The following WNK1 variants were observed in gnomAD, a reference collection of about 807,000 sequenced individuals.
WNK1 encodes the protein WNK lysine deficient protein kinase 1, also known as serine/threonine-protein kinase WNK1.
WNK1 carries 38 observed loss-of-function variants against 222.8 expected under a neutral mutation model. That is an observed-to-expected ratio of 0.17 (90% CI 0.13 to 0.22). The LOEUF is 0.22. WNK1 is among the 10% of genes least tolerant of loss of function. The pLI is 1.00. For missense variants in WNK1, 2,348 were observed against 2,918.4 expected (o/e 0.80, Z 4.50); for synonymous variants, 1,090 against 1,092.9 (o/e 1.00, Z 0.05).
Position 911,363 on chromosome 12 carries a change from C to G in WNK1, c.*2571C>G. The G allele has an allele frequency of 2.5e-6, 1 of 398,592 alleles. No individual in the cohort carries two copies. The highest frequency in any genetic ancestry group is 3.6e-5 in the East Asian group (1 of 28,076). 24.7% of individuals were successfully genotyped at this position (398,592 alleles called of 1,614,324 possible). ...TGCACTAACTCTGGGTGTTGCGCTT[C>G]TTGTAAGATTGCGCTTTGTGCTTCA... is the stretch of plus-strand genomic sequence containing the variant. On this transcript the variant is annotated 3_prime_UTR_variant, in exon 28 of 28. Transcript: ENST00000315939.
At chr12:843,261 T>G (rs1456740303) in intron 4 of WNK1, among the ~76,000 whole-genome samples, 1 of 152,198 alleles carries the variant, frequency 6.6e-6, no homozygotes, top group African/African-American at 2.4e-5. Context: ...TAGTTCAGCA[T>G]GGTATCAGTA....
At chr12:791,749 A>G (rs138171135) in intron 1 of WNK1, among the ~76,000 whole-genome samples, 61 of 152,316 alleles carry the variant, frequency 4.0e-4, no homozygotes, top group African/African-American at 1.4e-3. Flanking sequence ...ATATGACATT[A>G]ATATAAATGA....
intron 2 of WNK1, among the ~76,000 whole-genome samples, chr12:825,044 T>C (rs1271204403): frequency 1.3e-5 from 2 of 152,238 alleles, no homozygotes; most frequent in African/African-American, 4.8e-5. Context: ...ATTTTTCTTT[T>C]ACCTCCAAAC....
rs1183086889 is a variant in WNK1 at position 868,219 on chromosome 12, T to C, written c.2140-3046T>C. ...AACCATCTCAAGTTTACAGTGACTA[T>C]AGACCTGGACTAGTACTTCCAGAAG... On this transcript the variant is annotated intron_variant, in intron 8 of 27. Transcript: ENST00000315939. The C allele has an allele frequency of 6.2e-7, 1 of 1,611,308 alleles. No individual in the cohort carries two copies. Among genetic ancestry groups the C allele is most frequent in the Non-Finnish European group, 8.5e-7 (1 of 1,178,428 alleles).
intron 8 of WNK1, chr12:868,907 C>T: frequency 6.3e-7 from 1 of 1,599,164 alleles, no homozygotes; most frequent in Non-Finnish European, 8.5e-7. Flanking sequence ...TTCTTCAGAC[C>T]CCAGTGATTT....
chr12:775,338 C>T (rs1262951574), intron 1 of WNK1, among the ~76,000 whole-genome samples: 2 of 152,118 alleles, frequency 1.3e-5, no homozygotes, highest in African/African-American at 4.8e-5. Flanking sequence ...TCTTGTAACA[C>T]AAATGAGTTC....
chr12:867,975 G>A (rs745567966), intron 8 of WNK1: 6 of 1,613,710 alleles, frequency 3.7e-6, no homozygotes, highest in Non-Finnish European at 4.2e-6. Context: ...CCTCCCACCT[G>A]CCCACCGAAA....
chr12:820,466 G>GTTT (rs3072715), intron 2 of WNK1, among the ~76,000 whole-genome samples: 2 of 89,154 alleles, frequency 2.2e-5, no homozygotes, highest in East Asian at 3.3e-4. Flanking sequence ...ATTCTTTGGG[G>GTTT]TTTTTTTTTT....
chr12:854,355 C>T (rs1264830649), intron 4 of WNK1, among the ~76,000 whole-genome samples: 6 of 97,730 alleles, frequency 6.1e-5, no homozygotes, highest in South Asian at 4.1e-4. Flanking sequence ...TTATCATTAT[C>T]TTTTTTTTTT....
chr12:882,709 C>T lies in WNK1; in HGVS notation c.3373-234C>T, dbSNP rs189686370. Among the ~76,000 whole-genome samples the T allele has an allele frequency of 2.0e-5, 3 of 152,312 alleles. No individual in the cohort carries two copies. The East Asian group carries it at 5.8e-4, about 29-fold the overall frequency. On this transcript the variant is annotated intron_variant, in intron 14 of 27. Transcript: ENST00000315939. Reference sequence around the variant, plus strand: ...TCCATATTTCTATGATAAAGCACTACTTATCTTTTAGAAAAAGAATAGAGA... The same window carrying T: ...TCCATATTTCTATGATAAAGCACTATTTATCTTTTAGAAAAAGAATAGAGA...
intron 26 of WNK1, among the ~76,000 whole-genome samples, chr12:907,432 A>G (rs546063185): frequency 9.2e-5 from 14 of 152,282 alleles, no homozygotes; most frequent in South Asian, 2.1e-4. Context: ...ACCGTGCCCA[A>G]TGCACAAGAA....
chr12:845,854 G>A (rs1949989720), intron 4 of WNK1, among the ~76,000 whole-genome samples: 1 of 152,126 alleles, frequency 6.6e-6, no homozygotes, highest in Non-Finnish European at 1.5e-5. Context: ...AGCTTTAAAT[G>A]GGAGAACAAG....
At chr12:798,706 A>G (rs1426265130) in intron 1 of WNK1, among the ~76,000 whole-genome samples, 1 of 152,140 alleles carries the variant, frequency 6.6e-6, no homozygotes, top group Non-Finnish European at 1.5e-5. Context: ...CTTGCTAGTA[A>G]GAAAATATGC....
rs772744459 is a variant in WNK1 at position 885,670 on chromosome 12, T to G, written c.4866T>G (p.Pro1622=). 5 of 1,614,144 alleles carry G rather than the reference T, an allele frequency of 3.1e-6. No homozygotes were observed. The Admixed American group carries it at 6.7e-5, about 22-fold the overall frequency. The change falls in exon 19 of 28, where the codon CCT becomes CCG. Residue 1622 remains proline, a synonymous_variant. Transcript: ENST00000315939. ...AGCAGACACTAATTCATAGTCAGCC[T>G]CAACCAGCTTTGCTTCCCAACCAGC... is the stretch of plus-strand genomic sequence containing the variant. ...AVQQTLIHSQ[P]QPALLPNQPH...
chr12:906,702 T>C, intron 26 of WNK1: 1 of 985,290 alleles, frequency 1.0e-6, no homozygotes, highest in Non-Finnish European at 1.2e-6. Flanking sequence ...TGAAAAACTT[T>C]TCTGAACACA....
At chr12:789,824 G>T (rs1218529345) in intron 1 of WNK1, among the ~76,000 whole-genome samples, 1 of 152,136 alleles carries the variant, frequency 6.6e-6, no homozygotes, top group East Asian at 1.9e-4. Context: ...ATGTATTTCA[G>T]GCTAATGCCC....
In WNK1 at chr12:894,648, CT is replaced by C. The variant is rs766193249; in HGVS notation, c.5583+16del. On this transcript the variant is annotated intron_variant, in intron 23 of 27. Coordinates refer to ENST00000315939, the MANE Select transcript of WNK1 (RefSeq NM_018979.4). ...GGGACGATTTCAGGTAAGACAGTCA[CT>C]TTGTGTTGCCTTGATTCCTTCCTTT... 1 of 1,612,206 alleles carries C rather than the reference CT, an allele frequency of 6.2e-7. No homozygotes were observed. The highest frequency in any genetic ancestry group is 1.1e-5 in the South Asian group (1 of 91,052).
At chr12:813,903 G>T (rs1947111654) in intron 2 of WNK1, 89 bp downstream of exon 2, 2 of 1,426,332 alleles carry the variant, frequency 1.4e-6, no homozygotes, top group South Asian at 1.2e-5. Context: ...CACTTTGGTT[G>T]TTCAGCCTAA....
intron 1 of WNK1, among the ~76,000 whole-genome samples, chr12:795,837 G>C (rs577901456): frequency 1.3e-5 from 2 of 152,078 alleles, no homozygotes; most frequent in African/African-American, 4.8e-5. Context: ...TATGCTTTGG[G>C]GGTCATTTAA....
Sources: gnomAD v4.1 joint callset for allele counts (sites outside exome capture counted in the v4.1 genomes callset) on GRCh38, gnomAD v4.1.1 for gene constraint, MANE v1.5 for transcripts, NCBI Gene and HGNC (gene_info 2026-07-23, HGNC 2026-07-21) for gene names.